The following STMN3 variants were observed in gnomAD, a reference collection of about 807,000 sequenced individuals.
The protein encoded by STMN3 is stathmin-3.
A neutral mutation model predicts 23.2 loss-of-function variants in STMN3; 24 were observed. That is an observed-to-expected ratio of 1.03 (90% CI 0.75 to 1.45). STMN3 has a LOEUF of 1.45. Among genes scored for constraint, STMN3 ranks in the 40% most tolerant of loss-of-function variants. The pLI, the probability that STMN3 is intolerant of heterozygous loss-of-function variation, is 0.00. For missense variants in STMN3, 235 were observed against 237.6 expected, an observed-to-expected ratio of 0.99 and a Z score of 0.07; for synonymous variants, 117 against 103.4, an observed-to-expected ratio of 1.13 and a Z score of -0.80.
At chr20:63,643,430 C>T (rs2089784012) in intron 3 of STMN3, among the ~76,000 whole-genome samples, 1 of 152,148 alleles carries the variant, frequency 6.6e-6, no homozygotes, top group South Asian at 2.1e-4. Flanking sequence ...TACAGGTGTG[C>T]ACCACCACAC....
At chr20:63,643,729 G>C (rs1436230981) in intron 3 of STMN3, 27 bp downstream of exon 3, 3 of 1,510,860 alleles carry the variant, frequency 2.0e-6, no homozygotes, top group Non-Finnish European at 2.6e-6. Flanking sequence ...GAAACTCCTG[G>C]GGGGTGGGGG....
At position 63,641,043 on chromosome 20, in the gene STMN3, T is replaced by C. The variant is rs2089756786; in HGVS notation, c.*295A>G. The C allele has an allele frequency of 7.9e-6, 4 of 503,212 alleles. No homozygotes were observed. In the Middle Eastern group the frequency reaches 1.6e-3, roughly 206 times the overall value. The allele number at this position is 503,212 out of a possible 1,614,324, so 31.2% of individuals were successfully genotyped here. A position where few individuals can be genotyped will look rare whatever the true frequency, so the allele number is the denominator to read the frequency against. Reference sequence around the variant, plus strand: ...CGTGATCCCACGCCACCGCCCTGGGTTTACCACGGTCACCGCCACCTCTCT... The same window carrying C: ...CGTGATCCCACGCCACCGCCCTGGGCTTACCACGGTCACCGCCACCTCTCT... On this transcript the variant is annotated 3_prime_UTR_variant, in exon 5 of 5. Coordinates refer to ENST00000370053, the MANE Select transcript of STMN3 (RefSeq NM_015894.4).
At chr20:63,646,012 AGAAAG>A (rs910367764) in intron 1 of STMN3, among the ~76,000 whole-genome samples, 8 of 152,058 alleles carry the variant, frequency 5.3e-5, no homozygotes, top group Non-Finnish European at 8.8e-5. Flanking sequence ...GAGGAAAAGA[AGAAAG>A]GAAAGGAAAG....
At position 63,652,661 on chromosome 20, in the gene STMN3, C is replaced by T; in HGVS notation, c.19+666G>A. ...CTCCGGAGGGTTTGGGGATCGCAGT[C>T]GCCCCTCCCCCATCCAGACCCCGCG... is the stretch of plus-strand genomic sequence containing the variant. On this transcript the variant is annotated intron_variant, in intron 1 of 4. Transcript: ENST00000370053. The surrounding 1 kb of genome is among the most constrained non-coding windows in gnomAD (Gnocchi z 5.3). 2.0e-6 allele frequency: 2 copies of T among 985,572 alleles called. No individual in the cohort carries two copies. Among genetic ancestry groups the T allele is most frequent in the Non-Finnish European group, 2.4e-6 (2 of 830,042 alleles). The allele number at this position is 985,572 out of a possible 1,614,324, so 61.1% of individuals were successfully genotyped here. A position where few individuals can be genotyped will look rare whatever the true frequency, so the allele number is the denominator to read the frequency against.
intron 1 of STMN3, among the ~76,000 whole-genome samples, chr20:63,651,850 T>G (rs189261901): frequency 1.3e-5 from 2 of 152,274 alleles, no homozygotes; most frequent in East Asian, 3.9e-4. Context: ...GAGGAGCCAG[T>G]GCCCAGATGC....
At chr20:63,646,373 G>T (rs1196524002) in intron 1 of STMN3, among the ~76,000 whole-genome samples, 6 of 152,012 alleles carry the variant, frequency 3.9e-5, no homozygotes, top group Middle Eastern at 3.4e-3. Flanking sequence ...TTTTCTTTTT[G>T]AGATGGAGTC....
At chr20:63,647,150 A>C (rs1441052521) in intron 1 of STMN3, among the ~76,000 whole-genome samples, 5 of 151,732 alleles carry the variant, frequency 3.3e-5, no homozygotes, top group African/African-American at 9.7e-5. Flanking sequence ...TCTACTACAA[A>C]TATAAAAATC....
At chr20:63,642,960 G>A (rs1003481330) in intron 3 of STMN3, among the ~76,000 whole-genome samples, 3 of 152,136 alleles carry the variant, frequency 2.0e-5, no homozygotes, top group Non-Finnish European at 1.5e-5. Context: ...CCCCCAAAAG[G>A]ACATTTTTAT....
chr20:63,650,949 CTCT>C (rs1311406092), intron 1 of STMN3, among the ~76,000 whole-genome samples: 1 of 112,508 alleles, frequency 8.9e-6, no homozygotes, highest in Non-Finnish European at 1.8e-5. Flanking sequence ...CGTCTTCCTC[CTCT>C]TCTTTCTTCT....
chr20:63,653,385 G>C lies in STMN3; in HGVS notation c.-40C>G. 2 of 1,528,176 alleles carry C rather than the reference G, an allele frequency of 1.3e-6. No homozygotes were observed. Among genetic ancestry groups the C allele is most frequent in the East Asian group, 5.2e-5 (2 of 38,398 alleles). 94.7% of individuals were successfully genotyped at this position (1,528,176 alleles called of 1,614,324 possible). A position where few individuals can be genotyped will look rare whatever the true frequency, so the allele number is the denominator to read the frequency against. ...TTGGGCCTGCGGAGGCTGGAGAGGC[G>C]CAAGTGGCGGCCGGAGCTGCAGACG... On this transcript the variant is annotated 5_prime_UTR_variant, in exon 1 of 5. Transcript: ENST00000370053.
rs1475714203 is a variant in STMN3, at chr20:63,647,687, GTGTA to G, written c.20-3382_20-3379del. ...AATATATATATACGTATATATACAC[GTGTA>G]TATATATAATATATATACACGTGTA... On this transcript the variant is annotated intron_variant, in intron 1 of 4. Transcript: ENST00000370053. 6.8e-5 allele frequency among the ~76,000 whole-genome samples: 5 copies of G among 73,678 alleles called. 1 individual carries two copies. Among genetic ancestry groups the G allele is most frequent in the South Asian group, 7.1e-4 (2 of 2,826 alleles). 48.3% of individuals were successfully genotyped at this position (73,678 alleles called of 152,430 possible).
chr20:63,643,579 C>T lies in STMN3; in HGVS notation c.291+177G>A, dbSNP rs2089784917. The T allele has an allele frequency of 3.1e-6, 3 of 955,648 alleles. No homozygotes were observed. In the South Asian group the frequency reaches 1.4e-4, roughly 46 times the overall value. 59.2% of individuals were successfully genotyped at this position (955,648 alleles called of 1,614,324 possible). On this transcript the variant is annotated intron_variant, in intron 3 of 4. Coordinates refer to ENST00000370053, the MANE Select transcript of STMN3 (RefSeq NM_015894.4). ...TACAGGCGTGAGCCACCACACCCGGCCTCTCCCCATCCCATTCTTATCTCT... is the reference window on the plus strand; with the variant it reads ...TACAGGCGTGAGCCACCACACCCGGTCTCTCCCCATCCCATTCTTATCTCT...
Position 63,652,072 on chromosome 20 carries a change from G to A in STMN3, c.19+1255C>T, listed in dbSNP as rs1409646572. The A allele has an allele frequency of 6.6e-6, 1 of 152,514 alleles. No homozygotes were observed. The highest frequency in any genetic ancestry group is 2.4e-5 in the African/African-American group (1 of 41,456). 9.4% of individuals were successfully genotyped at this position (152,514 alleles called of 1,614,324 possible). ...GAGGCGGAGGGAGGAAGCGCAGATG[G>A]ACAGGACTCCCAGATAGGGTGGGGA... On this transcript the variant is annotated intron_variant, in intron 1 of 4. Transcript: ENST00000370053. This position sits in a 1 kb window ranked among gnomAD's most constrained non-coding sequence, Gnocchi z 5.3.
At chr20:63,645,955 A>T (rs971037294) in intron 1 of STMN3, among the ~76,000 whole-genome samples, 4 of 152,106 alleles carry the variant, frequency 2.6e-5, no homozygotes, top group African/African-American at 4.8e-5. Flanking sequence ...TCCGTCTCAA[A>T]ACAGAAAGAA....
At chr20:63,645,867 C>T (rs1316424230) in intron 1 of STMN3, among the ~76,000 whole-genome samples, 3 of 152,170 alleles carry the variant, frequency 2.0e-5, no homozygotes, top group Non-Finnish European at 4.4e-5. Flanking sequence ...GCAGGAGAAT[C>T]GCTTGAACCT....
At chr20:63,647,937 T>TACAC (rs1491100532) in intron 1 of STMN3, among the ~76,000 whole-genome samples, 1 of 33,426 alleles carries the variant, frequency 3.0e-5, no homozygotes, top group African/African-American at 1.5e-4. Flanking sequence ...TACGTATATA[T>TACAC]GTGTGTGTGT....
intron 1 of STMN3, among the ~76,000 whole-genome samples, chr20:63,647,991 T>C (rs112604138): frequency 0.32 from 23,878 of 75,404 alleles, 5,159 homozygotes; most frequent in African/African-American, 0.41. Flanking sequence ...CATATATATA[T>C]ACAGAGAGAG....
rs1237095775 is a variant in STMN3 at position 63,641,946 on chromosome 20, G to A, written c.483+162C>T. ...CCGCCCCGGCCCCGCCCCGGCCCCT[G>A]CCCGCTCCGAGCTCCGCCCTGGCCC... On this transcript the variant is annotated intron_variant, in intron 4 of 4. Coordinates refer to ENST00000370053, the MANE Select transcript of STMN3 (RefSeq NM_015894.4). Among the ~76,000 whole-genome samples the A allele has an allele frequency of 7.4e-5, 3 of 40,280 alleles. No homozygotes were observed. In the South Asian group the frequency reaches 2.2e-3, roughly 30 times the overall value. The allele number at this position is 40,280 out of a possible 152,430, so 26.4% of individuals were successfully genotyped here.
intron 1 of STMN3, among the ~76,000 whole-genome samples, chr20:63,649,565 C>G (rs2089841665): frequency 6.6e-6 from 1 of 152,160 alleles, no homozygotes; most frequent in African/African-American, 2.4e-5. Context: ...GAGTCTCACT[C>G]TGTCTCCCAG....
Sources: allele counts gnomAD v4.1 joint callset (sites outside exome capture counted in the v4.1 genomes callset), GRCh38; gene constraint gnomAD v4.1.1; non-coding constraint Gnocchi (gnomAD v3.1); transcripts MANE v1.5; gene names NCBI Gene and HGNC (gene_info 2026-07-23, HGNC 2026-07-21).